Variants in MECOM observed in about 807,000 individuals in gnomAD.
MECOM encodes histone-lysine N-methyltransferase MECOM.
In MECOM, 13 loss-of-function variants were observed where a neutral mutation model predicts 116.3. That is an observed-to-expected ratio of 0.11 (90% CI 0.07 to 0.18). MECOM has a LOEUF of 0.18. Among genes scored for constraint, MECOM ranks in the 10% least tolerant of loss-of-function variants. The pLI is 1.00. For synonymous variants in MECOM, 528 were observed against 535.2 expected (o/e 0.99, Z 0.19); for missense variants, 1,299 against 1,509.0 (o/e 0.86, Z 2.31).
chr3:169,638,284 C>T (rs1457708119), intron 1 of MECOM, among the ~76,000 whole-genome samples: 1 of 152,198 alleles, frequency 6.6e-6, no homozygotes, highest in Non-Finnish European at 1.5e-5. Flanking sequence ...CTCTTCTGCA[C>T]TGTCTTGTTC....
At chr3:169,157,751 G>A (rs932806139) in intron 2 of MECOM, among the ~76,000 whole-genome samples, 1 of 152,170 alleles carries the variant, frequency 6.6e-6, no homozygotes, top group Non-Finnish European at 1.5e-5. Context: ...TGTTTTCTAT[G>A]TAGTTCTTGG....
intron 2 of MECOM, among the ~76,000 whole-genome samples, chr3:169,263,081 A>C (rs1218585396): frequency 0.019 from 24 of 1,236 alleles, no homozygotes; most frequent in African/African-American, 0.066. Context: ...AAGATGCTAT[A>C]TATATATATA....
chr3:169,181,579 G>T (rs1360261050), intron 2 of MECOM, among the ~76,000 whole-genome samples: 2 of 152,126 alleles, frequency 1.3e-5, no homozygotes, highest in African/African-American at 4.8e-5. Flanking sequence ...CTTCAATTAT[G>T]CCTCAAACTT....
intron 2 of MECOM, among the ~76,000 whole-genome samples, chr3:169,332,227 T>G (rs1015739484): frequency 1.7e-4 from 26 of 152,094 alleles, no homozygotes; most frequent in African/African-American, 6.3e-4. Context: ...GGGCTTTCAT[T>G]ATTCAGGGAA....
chr3:169,329,857 T>C (rs1427071534), intron 2 of MECOM, among the ~76,000 whole-genome samples: 2 of 152,214 alleles, frequency 1.3e-5, no homozygotes, highest in East Asian at 3.8e-4. Context: ...TAAGAAAGTG[T>C]GTCGACCTAT....
At chr3:169,225,825 G>C (rs1347957679) in intron 2 of MECOM, among the ~76,000 whole-genome samples, 2 of 152,134 alleles carry the variant, frequency 1.3e-5, no homozygotes, top group Admixed American at 1.3e-4. Context: ...GACCAGGCTG[G>C]TCTCGAAATC....
At position 169,393,251 on chromosome 3, in the gene MECOM, G is replaced by A. The variant is rs529960328; in HGVS notation, c.38-11727C>T. On this transcript the variant is annotated intron_variant, in intron 1 of 16. Transcript: ENST00000651503. ...TCTCAGAACAGTGATGTATTCAAAC[G>A]AGGACTGGCCAGAGCACCCTGGAAC... Among the ~76,000 whole-genome samples the A allele has an allele frequency of 5.3e-5, 8 of 152,220 alleles. No homozygotes were observed. The East Asian group carries it at 9.7e-4, about 18-fold the overall frequency.
chr3:169,456,855 T>C (rs990060779), intron 1 of MECOM, among the ~76,000 whole-genome samples: 1 of 151,964 alleles, frequency 6.6e-6, no homozygotes, highest in Non-Finnish European at 1.5e-5. Context: ...CCTCCACCCA[T>C]AGGAGGAAGA....
At chr3:169,233,173 A>T (rs1338243041) in intron 2 of MECOM, among the ~76,000 whole-genome samples, 2 of 152,156 alleles carry the variant, frequency 1.3e-5, no homozygotes, top group African/African-American at 4.8e-5. Flanking sequence ...GCAGCCTGGA[A>T]CTGCCTTTGA....
At chr3:169,327,527 A>G (rs1275866502) in intron 2 of MECOM, among the ~76,000 whole-genome samples, 1 of 151,312 alleles carries the variant, frequency 6.6e-6, no homozygotes, top group Non-Finnish European at 1.5e-5. Flanking sequence ...AGTCTCAGTC[A>G]CTCGGGAGGC....
intron 1 of MECOM, among the ~76,000 whole-genome samples, chr3:169,495,831 G>C (rs910804011): frequency 6.6e-6 from 1 of 152,194 alleles, no homozygotes; most frequent in Admixed American, 6.5e-5. Context: ...CCGCTTACTA[G>C]CTGAAAACTT....
chr3:169,252,124 G>A (rs951655105), intron 2 of MECOM, among the ~76,000 whole-genome samples: 4 of 151,978 alleles, frequency 2.6e-5, no homozygotes, highest in Admixed American at 2.6e-4. Context: ...AGATGGCTCT[G>A]GGCAAGATGA....
chr3:169,147,335 C>A (rs777271026), intron 2 of MECOM: 35 of 985,426 alleles, frequency 3.6e-5, no homozygotes, highest in Admixed American at 6.1e-5. Flanking sequence ...ACGGGATCGT[C>A]CCCTTTCGCA....
At chr3:169,136,932 T>C (rs1030417507) in intron 3 of MECOM, among the ~76,000 whole-genome samples, 4 of 152,130 alleles carry the variant, frequency 2.6e-5, no homozygotes, top group Admixed American at 2.0e-4. Context: ...GACAGAAGCG[T>C]GAATTATGAA....
chr3:169,532,159 G>A (rs1404709475), intron 1 of MECOM, among the ~76,000 whole-genome samples: 1 of 152,158 alleles, frequency 6.6e-6, no homozygotes, highest in Non-Finnish European at 1.5e-5. Context: ...ACATGCATGA[G>A]AGCTCGTTAA....
chr3:169,645,186 C>T lies in MECOM; in HGVS notation c.37+18150G>A, dbSNP rs147485113. On this transcript the variant is annotated intron_variant, in intron 1 of 16. Transcript: ENST00000651503. ...CTGTGACTGATAGCATTGATTAAAA[C>T]CAACCAAGCATAAGGGCTACTGGCG... is the stretch of plus-strand genomic sequence containing the variant. 3.3e-5 allele frequency among the ~76,000 whole-genome samples: 5 copies of T among 152,274 alleles called. No individual in the cohort carries two copies. The East Asian group carries it at 9.7e-4, about 29-fold the overall frequency.
chr3:169,591,935 A>T (rs1218820844), intron 1 of MECOM, among the ~76,000 whole-genome samples: 1 of 152,146 alleles, frequency 6.6e-6, no homozygotes, highest in East Asian at 1.9e-4. Context: ...TCATAAAATC[A>T]ATGCTGTTGT....
intron 2 of MECOM, among the ~76,000 whole-genome samples, chr3:169,293,248 T>A (rs1714945982): frequency 6.6e-6 from 1 of 152,092 alleles, no homozygotes; most frequent in South Asian, 2.1e-4. Context: ...ACCTTCATGG[T>A]TTCACGCTCA....
intron 3 of MECOM, among the ~76,000 whole-genome samples, chr3:169,139,618 T>G (rs1298961760): frequency 6.6e-6 from 1 of 152,146 alleles, no homozygotes; most frequent in Non-Finnish European, 1.5e-5. Flanking sequence ...GACTCTCTGA[T>G]TATTACCAAT....
Sources: gnomAD v4.1 joint callset for allele counts (sites outside exome capture counted in the v4.1 genomes callset) on GRCh38, gnomAD v4.1.1 for gene constraint, MANE v1.5 for transcripts, NCBI Gene and HGNC (gene_info 2026-07-23, HGNC 2026-07-21) for gene names.